The following TAFA1 variants were observed in gnomAD, a reference collection of about 807,000 sequenced individuals.
The protein encoded by TAFA1 is chemokine-like protein TAFA-1.
TAFA1 carries 4 observed loss-of-function variants against 18.5 expected under a neutral mutation model. The observed-to-expected ratio is 0.22, with a 90% CI of 0.11 to 0.49. The LOEUF (loss-of-function observed/expected upper bound fraction) is 0.49. TAFA1 is among the 20% of genes least tolerant of loss of function. The probability of loss-of-function intolerance (pLI) is 0.98; values close to 1 mark genes in which losing one functional copy is unlikely to be tolerated. For synonymous variants in TAFA1, 56 were observed against 55.2 expected, an observed-to-expected ratio of 1.01 and a Z score of -0.06; for missense variants, 147 against 169.0, an observed-to-expected ratio of 0.87 and a Z score of 0.72.
chr3:68,325,279 C>G (rs763635139), intron 2 of TAFA1, among the ~76,000 whole-genome samples: 1 of 152,134 alleles, frequency 6.6e-6, no homozygotes, highest in African/African-American at 2.4e-5. Flanking sequence ...CCCTGTAGAG[C>G]GACGTGGTTG....
intron 2 of TAFA1, among the ~76,000 whole-genome samples, chr3:68,198,715 C>G (rs2066440390): frequency 1.3e-5 from 2 of 151,320 alleles, no homozygotes; most frequent in Non-Finnish European, 3.0e-5. Flanking sequence ...ACTTTTTAAT[C>G]AGGTTGTTGA....
intron 2 of TAFA1, among the ~76,000 whole-genome samples, chr3:68,291,209 T>G (rs1175832692): frequency 6.6e-6 from 1 of 152,182 alleles, no homozygotes; most frequent in East Asian, 1.9e-4. Flanking sequence ...ACATTAAAGT[T>G]TCCTTTATTA....
At chr3:68,298,543 T>A (rs1481355006) in intron 2 of TAFA1, among the ~76,000 whole-genome samples, 2 of 152,150 alleles carry the variant, frequency 1.3e-5, no homozygotes, top group East Asian at 3.9e-4. Flanking sequence ...CTACCCAAAC[T>A]CTCATCTTGA....
At position 68,264,555 on chromosome 3, in the gene TAFA1, C is replaced by T. The variant is rs577583674; in HGVS notation, c.119-152725C>T. Among the ~76,000 whole-genome samples the T allele has an allele frequency of 2.6e-5, 4 of 152,234 alleles. No homozygotes were observed. The East Asian group carries it at 7.7e-4, about 29-fold the overall frequency. On this transcript the variant is annotated intron_variant, in intron 2 of 4. Coordinates refer to ENST00000478136, the MANE Select transcript of TAFA1 (RefSeq NM_213609.4). ...GATGGGTAGGTAGTGACCGCAAGAACACAATACATTCTGAGAAATGTTTCA... is the reference window on the plus strand; with the variant it reads ...GATGGGTAGGTAGTGACCGCAAGAATACAATACATTCTGAGAAATGTTTCA...
Position 68,091,614 on chromosome 3 carries a change from C to A in TAFA1, c.118+84870C>A, listed in dbSNP as rs139015895. On this transcript the variant is annotated intron_variant, in intron 2 of 4. Transcript: ENST00000478136. ...ACAGATCAAAATCAAGCAAGCAGATCAATGAATTATATACTCATTAATTTT... is the reference window on the plus strand; with the variant it reads ...ACAGATCAAAATCAAGCAAGCAGATAAATGAATTATATACTCATTAATTTT... Among the ~76,000 whole-genome samples, 1,065 of 152,044 alleles carry A rather than the reference C, an allele frequency of 7.0e-3. 4 individuals are homozygous for A. The highest frequency in any genetic ancestry group is 0.011 in the Non-Finnish European group (778 of 67,968).
chr3:68,066,051 C>G (rs1282693643), intron 2 of TAFA1, among the ~76,000 whole-genome samples: 1 of 152,122 alleles, frequency 6.6e-6, no homozygotes, highest in East Asian at 1.9e-4. Context: ...TGATAGGAAG[C>G]AGATCAGTAG....
the TAFA1 span, among the ~76,000 whole-genome samples, chr3:67,998,297 T>C: frequency 3.9e-4 from 59 of 152,344 alleles, no homozygotes; most frequent in Admixed American, 3.3e-3. Context: ...CCTTTAGTCC[T>C]AAAAGTACAT....
chr3:68,449,986 C>G (rs1559674893), intron 3 of TAFA1, among the ~76,000 whole-genome samples: 1 of 152,170 alleles, frequency 6.6e-6, no homozygotes, highest in East Asian at 1.9e-4. Flanking sequence ...TTGCCAGGCA[C>G]AGCGCAGGCT....
intron 2 of TAFA1, among the ~76,000 whole-genome samples, chr3:68,204,091 A>G (rs1450162697): frequency 6.6e-6 from 1 of 151,470 alleles, no homozygotes; most frequent in Non-Finnish European, 1.5e-5. Flanking sequence ...GCCCTGGTAT[A>G]TTGTGATTCT....
intron 2 of TAFA1, among the ~76,000 whole-genome samples, chr3:68,021,454 G>T (rs2106797379): frequency 6.6e-6 from 1 of 152,094 alleles, no homozygotes; most frequent in South Asian, 2.1e-4. Context: ...CAATAATTGT[G>T]TTGTTCTTAC....
intron 3 of TAFA1, among the ~76,000 whole-genome samples, chr3:68,421,658 T>C (rs931256776): frequency 6.6e-6 from 1 of 152,106 alleles, no homozygotes; most frequent in East Asian, 1.9e-4. Flanking sequence ...ATCTGTAAAA[T>C]AGGGATTATA....
At chr3:68,441,035 T>A (rs1036010229) in intron 3 of TAFA1, among the ~76,000 whole-genome samples, 1 of 152,102 alleles carries the variant, frequency 6.6e-6, no homozygotes, top group Non-Finnish European at 1.5e-5. Context: ...TGGTGTTGGG[T>A]CTGTCGAGAT....
At chr3:68,258,523 ACT>A (rs1476603485) in intron 2 of TAFA1, among the ~76,000 whole-genome samples, 2 of 152,186 alleles carry the variant, frequency 1.3e-5, no homozygotes, top group African/African-American at 4.8e-5. Context: ...AGAATAAGAA[ACT>A]GTGTGTGACT....
At chr3:68,372,386 C>T (rs968692711) in intron 2 of TAFA1, among the ~76,000 whole-genome samples, 3 of 152,180 alleles carry the variant, frequency 2.0e-5, no homozygotes, top group Admixed American at 1.3e-4. Context: ...CTGTTGTGGA[C>T]GTGGATCCAG....
rs183611695 is a variant in TAFA1, at chr3:68,072,190, G to T, written c.118+65446G>T. On this transcript the variant is annotated intron_variant, in intron 2 of 4. Transcript: ENST00000478136. ...TAATCCTTGAACTGAGGCTTACAGG[G>T]TGAGGAAGAGTCAACCTAGTGAAGG... 1.1e-4 allele frequency among the ~76,000 whole-genome samples: 16 copies of T among 152,230 alleles called. No individual in the cohort carries two copies. The East Asian group carries it at 2.9e-3, about 28-fold the overall frequency.
intron 2 of TAFA1, among the ~76,000 whole-genome samples, chr3:68,286,797 A>G (rs1433518617): frequency 3.9e-5 from 6 of 152,208 alleles, no homozygotes; most frequent in South Asian, 2.1e-4. Context: ...CACTCTAACT[A>G]GAAGGGTAAG....
chr3:68,446,506 C>T lies in TAFA1; in HGVS notation c.259+29086C>T, dbSNP rs867439282. ...GATATTAGCAGGAGTTTGCCAGCAG[C>T]GTATTCAATTATAAGGACAAATCAT... On this transcript the variant is annotated intron_variant, in intron 3 of 4. Transcript: ENST00000478136. Among the ~76,000 whole-genome samples, 14 of 152,062 alleles carry T rather than the reference C, an allele frequency of 9.2e-5. No homozygotes were observed. The South Asian group carries it at 1.0e-3, about 11-fold the overall frequency.
intron 2 of TAFA1, among the ~76,000 whole-genome samples, chr3:68,081,535 A>G (rs1405232064): frequency 3.3e-5 from 5 of 152,078 alleles, no homozygotes; most frequent in Admixed American, 6.5e-5. Flanking sequence ...TCTAACAGAC[A>G]GGACCCTCAG....
chr3:68,453,513 T>C (rs866429000), intron 3 of TAFA1, among the ~76,000 whole-genome samples: 33 of 152,144 alleles, frequency 2.2e-4, no homozygotes, highest in African/African-American at 7.7e-4. Context: ...AGGTATGTAG[T>C]GGTTTTGTAG....
Sources: gnomAD v4.1 joint callset for allele counts (sites outside exome capture counted in the v4.1 genomes callset) on GRCh38, gnomAD v4.1.1 for gene constraint, MANE v1.5 for transcripts, NCBI Gene and HGNC (gene_info 2026-07-23, HGNC 2026-07-21) for gene names.